Variants in PTPRK observed in about 807,000 individuals in gnomAD.
PTPRK encodes the protein receptor-type tyrosine-protein phosphatase kappa.
PTPRK carries 75 observed loss-of-function variants against 178.0 expected under a neutral mutation model. That is an observed-to-expected ratio of 0.42 (90% confidence interval 0.35 to 0.51). The LOEUF is 0.51. PTPRK is among the 20% of genes least tolerant of loss of function. PTPRK has a pLI of 0.02. For synonymous variants in PTPRK, 637 were observed against 620.6 expected (o/e 1.03, Z -0.39); for missense variants, 1,441 against 1,797.8 (o/e 0.80, Z 3.59).
chr6:128,305,474 A>T (rs1273925515), intron 3 of PTPRK, among the ~76,000 whole-genome samples: 3 of 152,222 alleles, frequency 2.0e-5, no homozygotes, highest in Non-Finnish European at 4.4e-5. Flanking sequence ...CTAGAATCTA[A>T]ATGTATTATT....
intron 7 of PTPRK, among the ~76,000 whole-genome samples, chr6:128,147,646 G>T (rs1030045382): frequency 1.3e-5 from 2 of 152,064 alleles, no homozygotes; most frequent in African/African-American, 4.8e-5. Flanking sequence ...TTGATGTGAG[G>T]GTTGGCCACA....
intron 7 of PTPRK, among the ~76,000 whole-genome samples, chr6:128,152,169 A>T (rs909700333): frequency 2.0e-5 from 3 of 152,088 alleles, no homozygotes; most frequent in African/African-American, 7.2e-5. Flanking sequence ...TGGAGTTAAC[A>T]TTAAATGCCG....
chr6:128,026,315 A>G (rs1353113221), intron 13 of PTPRK, among the ~76,000 whole-genome samples: 1 of 152,210 alleles, frequency 6.6e-6, no homozygotes, highest in East Asian at 1.9e-4. Context: ...ACTTTCTCCT[A>G]TTTGTATATG....
At chr6:128,342,661 G>C (rs1451575912) in intron 2 of PTPRK, among the ~76,000 whole-genome samples, 2 of 151,756 alleles carry the variant, frequency 1.3e-5, no homozygotes, top group South Asian at 2.1e-4. Flanking sequence ...AAATTATATA[G>C]AAGTGTATTG....
intron 29 of PTPRK, among the ~76,000 whole-genome samples, chr6:127,972,526 C>A (rs1317881116): frequency 6.6e-6 from 1 of 152,140 alleles, no homozygotes; most frequent in East Asian, 1.9e-4. Context: ...ATATGAACTG[C>A]CCTCTACAGT....
chr6:128,323,047 C>T (rs1829046155), intron 2 of PTPRK, among the ~76,000 whole-genome samples: 1 of 152,108 alleles, frequency 6.6e-6, no homozygotes, highest in Admixed American at 6.6e-5. Flanking sequence ...AGTCCCTAAA[C>T]TCTTGTAGAG....
intron 1 of PTPRK, among the ~76,000 whole-genome samples, chr6:128,428,037 G>A (rs931876576): frequency 6.6e-6 from 1 of 152,114 alleles, no homozygotes; most frequent in African/African-American, 2.4e-5. Context: ...AGATTGCAGT[G>A]AGCCGAGATC....
chr6:128,198,424 A>T (rs923457546), intron 6 of PTPRK, among the ~76,000 whole-genome samples: 2 of 152,134 alleles, frequency 1.3e-5, no homozygotes, highest in African/African-American at 4.8e-5. Context: ...TTGAACAACG[A>T]GAACACATGG....
At chr6:128,284,739 G>A (rs577154982) in intron 3 of PTPRK, among the ~76,000 whole-genome samples, 1 of 152,144 alleles carries the variant, frequency 6.6e-6, no homozygotes, top group Non-Finnish European at 1.5e-5. Flanking sequence ...GGTCAGAAGC[G>A]TCACCTTCCC....
At chr6:127,993,014 G>T (rs1776774009) in intron 18 of PTPRK, among the ~76,000 whole-genome samples, 1 of 151,672 alleles carries the variant, frequency 6.6e-6, no homozygotes, top group Non-Finnish European at 1.5e-5. Flanking sequence ...TCATGTAAAT[G>T]TTTAGTCATT....
At chr6:128,061,905 T>A (rs1780898649) in intron 13 of PTPRK, among the ~76,000 whole-genome samples, 1 of 152,170 alleles carries the variant, frequency 6.6e-6, no homozygotes, top group South Asian at 2.1e-4. Flanking sequence ...CACAAATTTA[T>A]AAGAGTAAAG....
At chr6:128,226,849 G>A (rs9375555) in intron 5 of PTPRK, among the ~76,000 whole-genome samples, 13,802 of 145,564 alleles carry the variant, frequency 0.095, 1,463 homozygotes, top group East Asian at 0.35. Flanking sequence ...ACTTTCTTGA[G>A]GCCAGAGGGA....
At chr6:128,400,434 G>A (rs1232522978) in intron 1 of PTPRK, among the ~76,000 whole-genome samples, 1 of 152,094 alleles carries the variant, frequency 6.6e-6, no homozygotes, top group Non-Finnish European at 1.5e-5. Flanking sequence ...AGGAAGAAAT[G>A]AAAGTAAATA....
chr6:127,989,585 C>G, intron 21 of PTPRK, among the ~76,000 whole-genome samples: 1 of 151,958 alleles, frequency 6.6e-6, no homozygotes, highest in East Asian at 1.9e-4. Context: ...AGGACATAAA[C>G]ATTTTAAAGC....
chr6:128,233,786 T>C (rs967849775), intron 5 of PTPRK, among the ~76,000 whole-genome samples: 1 of 152,142 alleles, frequency 6.6e-6, no homozygotes. Flanking sequence ...GGATTACCAG[T>C]CACACATTAA....
At chr6:128,039,997 T>A (rs954632327) in intron 13 of PTPRK, among the ~76,000 whole-genome samples, 1 of 152,116 alleles carries the variant, frequency 6.6e-6, no homozygotes, top group African/African-American at 2.4e-5. Context: ...ATTCTAAATT[T>A]AAAAAAAGCA....
intron 1 of PTPRK, among the ~76,000 whole-genome samples, chr6:128,512,284 T>C (rs931826462): frequency 1.3e-5 from 2 of 152,198 alleles, no homozygotes; most frequent in African/African-American, 4.8e-5. Context: ...TTTAAGACAA[T>C]ATAGGTTATG....
At chr6:128,277,170 T>C (rs916219985) in intron 3 of PTPRK, among the ~76,000 whole-genome samples, 2 of 151,834 alleles carry the variant, frequency 1.3e-5, no homozygotes, top group Non-Finnish European at 2.9e-5. Flanking sequence ...CTCAAGTTCA[T>C]ATAGAAAGTA....
intron 3 of PTPRK, among the ~76,000 whole-genome samples, chr6:128,312,551 C>T (rs960576043): frequency 6.6e-6 from 1 of 152,160 alleles, no homozygotes; most frequent in African/African-American, 2.4e-5. Flanking sequence ...AAATACAAGG[C>T]TGCCAATGTG....
Sources: allele counts gnomAD v4.1 joint callset (sites outside exome capture counted in the v4.1 genomes callset), GRCh38; gene constraint gnomAD v4.1.1; transcripts MANE v1.5; gene names NCBI Gene and HGNC (gene_info 2026-07-23, HGNC 2026-07-21).